CCSER1: variants seen among roughly 807,000 people sequenced by gnomAD.
CCSER1 encodes coiled-coil serine rich protein 1.
CCSER1 carries 41 observed loss-of-function variants against 82.0 expected under a neutral mutation model. That is an observed-to-expected ratio of 0.50 (90% CI 0.39 to 0.65). The LOEUF (loss-of-function observed/expected upper bound fraction) is 0.65. Ranked by LOEUF, CCSER1 falls within the 30% of genes least tolerant of loss-of-function variation. The pLI is 0.00. For synonymous variants in CCSER1, 414 were observed against 383.9 expected, an observed-to-expected ratio of 1.08 and a Z score of -0.92; for missense variants, 1,119 against 1,064.2, an observed-to-expected ratio of 1.05 and a Z score of -0.72.
chr4:91,406,555 C>A (rs532540029), intron 10 of CCSER1, among the ~76,000 whole-genome samples: 8 of 152,128 alleles, frequency 5.3e-5, no homozygotes, highest in Admixed American at 1.3e-4. Context: ...CACAAATACA[C>A]GCTAGTAAAT....
chr4:90,724,130 T>TG, intron 7 of CCSER1, 139 bp downstream of exon 7: 1 of 532,470 alleles, frequency 1.9e-6, no homozygotes, highest in Middle Eastern at 5.0e-4. Context: ...AATCGTTTTT[T>TG]TGTGTGTTCC....
chr4:90,853,287 T>C (rs955125873), intron 8 of CCSER1, among the ~76,000 whole-genome samples: 3 of 152,062 alleles, frequency 2.0e-5, no homozygotes, highest in Non-Finnish European at 2.9e-5. Context: ...AGATGTTCAT[T>C]TTTTTCTAGT....
chr4:90,564,298 C>G (rs550605699), intron 5 of CCSER1, among the ~76,000 whole-genome samples: 94 of 152,206 alleles, frequency 6.2e-4, no homozygotes, highest in Non-Finnish European at 1.1e-3. Context: ...TCAAGTGATC[C>G]TCCGCCTTGC....
intron 5 of CCSER1, among the ~76,000 whole-genome samples, chr4:90,574,687 A>G (rs1000389989): frequency 1.3e-5 from 2 of 151,972 alleles, no homozygotes; most frequent in African/African-American, 4.8e-5. Context: ...CGGTGCATAA[A>G]AGGCACTCAG....
intron 6 of CCSER1, among the ~76,000 whole-genome samples, chr4:90,699,710 A>G (rs1429711300): frequency 6.6e-6 from 1 of 152,194 alleles, no homozygotes; most frequent in Non-Finnish European, 1.5e-5. Context: ...TGCTGTATGA[A>G]TCTGCCATAA....
At chr4:91,196,589 T>C (rs901866947) in intron 10 of CCSER1, among the ~76,000 whole-genome samples, 26 of 152,346 alleles carry the variant, frequency 1.7e-4, no homozygotes, top group South Asian at 2.1e-4. Context: ...TATTAGGCAT[T>C]ACTGTAAGCT....
chr4:91,020,042 C>A (rs1023128335), intron 9 of CCSER1, among the ~76,000 whole-genome samples: 1 of 151,862 alleles, frequency 6.6e-6, no homozygotes, highest in Admixed American at 6.6e-5. Flanking sequence ...TCAGAGCTCC[C>A]ATTTATTGAG....
chr4:90,960,459 A>G (rs1733949921), intron 9 of CCSER1, among the ~76,000 whole-genome samples: 1 of 152,120 alleles, frequency 6.6e-6, no homozygotes, highest in African/African-American at 2.4e-5. Context: ...AGTCTACATC[A>G]TTAGGTTCAG....
At chr4:91,382,169 G>T (rs373427080) in intron 10 of CCSER1, among the ~76,000 whole-genome samples, 1 of 152,074 alleles carries the variant, frequency 6.6e-6, no homozygotes, top group Non-Finnish European at 1.5e-5. Flanking sequence ...TGCCTCTACT[G>T]GGGGGTTCCT....
intron 10 of CCSER1, among the ~76,000 whole-genome samples, chr4:91,484,844 A>C (rs1758133234): frequency 6.6e-6 from 1 of 152,200 alleles, no homozygotes. Flanking sequence ...AGACTTTCCC[A>C]GTAACTCTTG....
chr4:91,028,937 A>G lies in CCSER1; in HGVS notation c.2173-57013A>G, dbSNP rs533271097. On this transcript the variant is annotated intron_variant, in intron 9 of 10. Transcript: ENST00000509176. ...ATAAGCTTCAGCAAATAAAAAGTAAAGATACAGGAGAAGAATGAAGTTACT... is the reference window on the plus strand; with the variant it reads ...ATAAGCTTCAGCAAATAAAAAGTAAGGATACAGGAGAAGAATGAAGTTACT... 2.4e-4 allele frequency among the ~76,000 whole-genome samples: 37 copies of G among 152,160 alleles called. 1 individual carries two copies. The highest frequency in any genetic ancestry group is 5.0e-4 in the Non-Finnish European group (34 of 67,940).
intron 10 of CCSER1, among the ~76,000 whole-genome samples, chr4:91,346,303 C>T (rs1050698986): frequency 3.3e-5 from 5 of 152,222 alleles, no homozygotes; most frequent in Middle Eastern, 3.4e-3. Flanking sequence ...GTGTGAGCCA[C>T]GGCGCCTGGT....
At chr4:90,857,869 T>C (rs1220130357) in intron 8 of CCSER1, among the ~76,000 whole-genome samples, 1 of 152,052 alleles carries the variant, frequency 6.6e-6, no homozygotes, top group African/African-American at 2.4e-5. Flanking sequence ...TTTTGCTAAA[T>C]GAGTAGATTG....
intron 9 of CCSER1, among the ~76,000 whole-genome samples, chr4:91,036,319 G>T (rs180871895): frequency 6.6e-6 from 1 of 152,096 alleles, no homozygotes; most frequent in East Asian, 1.9e-4. Context: ...TTAATTTGAT[G>T]ATTAATTTTG....
chr4:91,587,520 A>C (rs1764056139), intron 10 of CCSER1, among the ~76,000 whole-genome samples: 2 of 151,754 alleles, frequency 1.3e-5, no homozygotes. Context: ...TTTCTCAGTA[A>C]CACAGCACAA....
intron 3 of CCSER1, among the ~76,000 whole-genome samples, chr4:90,398,180 G>A (rs1752304864): frequency 6.6e-6 from 1 of 152,144 alleles, no homozygotes; most frequent in Non-Finnish European, 1.5e-5. Context: ...TGTGCTGTCT[G>A]TGTCCTAATC....
intron 10 of CCSER1, among the ~76,000 whole-genome samples, chr4:91,505,309 A>G (rs1759428548): frequency 6.6e-6 from 1 of 152,200 alleles, no homozygotes; most frequent in Non-Finnish European, 1.5e-5. Context: ...CATGGTGTAT[A>G]TGTACCACAT....
At chr4:90,500,324 A>G (rs114892287) in intron 5 of CCSER1, among the ~76,000 whole-genome samples, 2,444 of 151,928 alleles carry the variant, frequency 0.016, 38 homozygotes, top group African/African-American at 0.047. Flanking sequence ...AGAAAAGGTC[A>G]TCATACTTGA....
chr4:90,726,833 A>G (rs1203300334), intron 7 of CCSER1, among the ~76,000 whole-genome samples: 1 of 151,964 alleles, frequency 6.6e-6, no homozygotes, highest in Non-Finnish European at 1.5e-5. Flanking sequence ...AACTTTGTGG[A>G]TCTCGTTGTA....
Sources: allele counts gnomAD v4.1 joint callset (sites outside exome capture counted in the v4.1 genomes callset), GRCh38; gene constraint gnomAD v4.1.1; transcripts MANE v1.5; gene names NCBI Gene and HGNC (gene_info 2026-07-23, HGNC 2026-07-21).